Variants in CEACAM5 observed in about 807,000 individuals in gnomAD.
The protein encoded by CEACAM5 is CEA cell adhesion molecule 5.
CEACAM5 carries 52 observed loss-of-function variants against 63.0 expected under a neutral mutation model. The ratio of observed to expected loss-of-function variants is 0.83; its 90% CI spans 0.66 to 1.04. CEACAM5 has a LOEUF of 1.04. CEACAM5 is among the 50% of genes least tolerant of loss of function. The pLI, the probability that CEACAM5 is intolerant of heterozygous loss-of-function variation, is 0.00. For synonymous variants in CEACAM5, 357 were observed against 351.3 expected (o/e 1.02, Z -0.18); for missense variants, 790 against 864.8 (o/e 0.91, Z 1.08).
intron 2 of CEACAM5, 28 bp from the exon 3 acceptor site, chr19:41,714,943 G>C (rs781875766): frequency 1.2e-6 from 2 of 1,613,812 alleles, no homozygotes; most frequent in Non-Finnish European, 1.7e-6. Flanking sequence ...TGCCACACAG[G>C]GCAATCTTCT....
intron 8 of CEACAM5, among the ~76,000 whole-genome samples, chr19:41,725,306 T>A (rs1225026374): frequency 6.6e-6 from 1 of 152,128 alleles, no homozygotes; most frequent in Admixed American, 6.5e-5. Context: ...ATTCTTGTAG[T>A]CCTTAATATT....
intron 6 of CEACAM5, among the ~76,000 whole-genome samples, chr19:41,719,582 G>A (rs1303933583): frequency 5.3e-5 from 8 of 152,174 alleles, no homozygotes; most frequent in South Asian, 2.1e-4. Context: ...GCAGCTGAAC[G>A]GAATTCAGCA....
At chr19:41,717,841 C>G in intron 5 of CEACAM5, 108 bp downstream of exon 5, 1 of 1,401,054 alleles carries the variant, frequency 7.1e-7, no homozygotes, top group Non-Finnish European at 9.9e-7. Context: ...ACTTTTACCC[C>G]TGGACATCCA....
intron 6 of CEACAM5, 130 bp from the exon 7 acceptor site, chr19:41,719,800 C>G (rs2072588007): frequency 6.6e-7 from 1 of 1,506,154 alleles, no homozygotes; most frequent in Non-Finnish European, 8.9e-7. Flanking sequence ...TCTTGTGATA[C>G]ACACACCTGC....
rs55647539 is a variant in CEACAM5, at chr19:41,728,786, C to CAAAAAAAAAAAAAA, written c.*37-392_*37-379dup. Among the ~76,000 whole-genome samples, 42 of 73,256 alleles carry CAAAAAAAAAAAAAA rather than the reference C, an allele frequency of 5.7e-4. 2 individuals carry two copies. The highest frequency in any genetic ancestry group is 1.8e-3 in the African/African-American group (31 of 17,508). The allele number at this position is 73,256 out of a possible 152,430, so 48.1% of individuals were successfully genotyped here. On this transcript the variant is annotated intron_variant, in intron 9 of 9. Transcript: ENST00000221992. ...TGGGCGACAGAGCAAGACTCCGTCTCAAAAAAAAAAAAAAAAAAAGAATTG... is the reference window on the plus strand; with the variant it reads ...TGGGCGACAGAGCAAGACTCCGTCTCAAAAAAAAAAAAAAAAAAAAAAAAAAAAAAAAAGAATTG...
At chr19:41,717,958 G>C (rs149451705) in intron 5 of CEACAM5, among the ~76,000 whole-genome samples, 170 bp from the exon 6 acceptor site, 2 of 152,198 alleles carry the variant, frequency 1.3e-5, no homozygotes, top group South Asian at 4.1e-4. Flanking sequence ...GCTAGTGATG[G>C]GAGAAACAGA....
intron 3 of CEACAM5, 174 bp from the exon 4 acceptor site, chr19:41,715,476 T>C: frequency 8.9e-7 from 1 of 1,121,738 alleles, no homozygotes; most frequent in Non-Finnish European, 1.3e-6. Context: ...CCACACCCTA[T>C]GATGGGAGAA....
At chr19:41,711,999 T>C (rs1225082238) in intron 2 of CEACAM5, among the ~76,000 whole-genome samples, 6 of 152,216 alleles carry the variant, frequency 3.9e-5, no homozygotes, top group South Asian at 4.1e-4. Flanking sequence ...GCTTCCGCTG[T>C]GTTCCTGCCC....
chr19:41,715,094 A>G lies in CEACAM5; in HGVS notation c.548A>G (p.Gln183Arg). ...DATYLWWVNN[Q>R]SLPVSPRLQL... ...ACCTACCTGTGGTGGGTAAACAATC[A>G]GAGCCTCCCGGTCAGTCCCAGGCTG... Residue 183 changes from glutamine (Q) to arginine (R), a missense_variant, in exon 3 of 10, where the codon CAG (glutamine) becomes CGG (arginine). Gln to Arg is a conservative substitution (Grantham distance 43). Coordinates refer to ENST00000221992, the MANE Select transcript of CEACAM5 (RefSeq NM_004363.6). 3.7e-6 allele frequency: 6 copies of G among 1,614,200 alleles called. No individual in the cohort carries two copies. Among genetic ancestry groups the G allele is most frequent in the Non-Finnish European group, 5.1e-6 (6 of 1,180,038 alleles).
chr19:41,718,363 C>T lies in CEACAM5; in HGVS notation c.1473C>T (p.Val491=). ...CCAGTGGCCACAGCAGGACTACAGT[C>T]AAGACAATCACAGTCTCTGGTAAGT... is the stretch of plus-strand genomic sequence containing the variant. The part of the protein sequence containing the change: ...NSASGHSRTT[V]KTITVSAELP... Residue 491 remains valine (V), a synonymous_variant, in exon 6 of 10, where the codon GTC becomes GTT. Coordinates refer to ENST00000221992, the MANE Select transcript of CEACAM5 (RefSeq NM_004363.6). 2.5e-6 allele frequency: 4 copies of T among 1,614,178 alleles called. No homozygotes were observed. The highest frequency in any genetic ancestry group is 2.2e-5 in the East Asian group (1 of 44,886).
intron 9 of CEACAM5, among the ~76,000 whole-genome samples, chr19:41,728,357 T>A (rs1170808132): frequency 6.6e-6 from 1 of 152,198 alleles, no homozygotes; most frequent in Admixed American, 6.5e-5. Context: ...GATTTACTGG[T>A]CTGGAGTGGG....
At chr19:41,711,022 C>A (rs1188331819) in intron 2 of CEACAM5, among the ~76,000 whole-genome samples, 1 of 152,318 alleles carries the variant, frequency 6.6e-6, no homozygotes, top group African/African-American at 2.4e-5. Flanking sequence ...CTGTCTGTAG[C>A]CACAGCCCCC....
In CEACAM5 at chr19:41,709,738, G is replaced by C. The variant is rs371172248; in HGVS notation, c.123G>C (p.Thr41=). 9.9e-6 allele frequency: 16 copies of C among 1,613,914 alleles called. No individual in the cohort carries two copies. The Admixed American group carries it at 2.3e-4, about 24-fold the overall frequency. The change falls in exon 2 of 10, where the codon ACG becomes ACC. Residue 41 remains threonine, a synonymous_variant. Transcript: ENST00000221992. ...CTGCCAAGCTCACTATTGAATCCAC[G>C]CCGTTCAATGTCGCAGAGGGGAAGG... The part of the protein sequence containing the change: ...PTTAKLTIES[T]PFNVAEGKEV...
At position 41,715,422 on chromosome 19, in the gene CEACAM5, G is replaced by A. The variant is rs782650332; in HGVS notation, c.703+173G>A. The A allele has an allele frequency of 3.4e-6, 4 of 1,174,958 alleles. No individual in the cohort carries two copies. In the South Asian group the frequency reaches 5.1e-5, roughly 15 times the overall value. The allele number at this position is 1,174,958 out of a possible 1,614,324, so 72.8% of individuals were successfully genotyped here. A position where few individuals can be genotyped will look rare whatever the true frequency, so the allele number is the denominator to read the frequency against. On this transcript the variant is annotated intron_variant, in intron 3 of 9. Coordinates refer to ENST00000221992, the MANE Select transcript of CEACAM5 (RefSeq NM_004363.6). Reference sequence around the variant, plus strand: ...CCTGGGCAGACCAAGTCTTGACCAAGAATAGGAGGGGAGGGGCTGCTTCTG... The same window carrying A: ...CCTGGGCAGACCAAGTCTTGACCAAAAATAGGAGGGGAGGGGCTGCTTCTG...
Position 41,720,915 on chromosome 19 carries a change from G to A in CEACAM5, c.1772-7G>A. 3 of 1,613,730 alleles carry A rather than the reference G, an allele frequency of 1.9e-6. No individual in the cohort carries two copies. Among genetic ancestry groups the A allele is most frequent in the Non-Finnish European group, 2.5e-6 (3 of 1,179,862 alleles). On this transcript the variant is annotated splice_region_variant and splice_polypyrimidine_tract_variant and intron_variant, in intron 7 of 9. Coordinates refer to ENST00000221992, the MANE Select transcript of CEACAM5 (RefSeq NM_004363.6). Reference sequence around the variant, plus strand: ...CATCACCTGTGGCTTTGTTCTCTTTGTTCCAGATGGGCCGGACACCCCCAT... The same window carrying A: ...CATCACCTGTGGCTTTGTTCTCTTTATTCCAGATGGGCCGGACACCCCCAT...
intron 8 of CEACAM5, among the ~76,000 whole-genome samples, chr19:41,723,889 C>A (rs1444129144): frequency 1.4e-5 from 2 of 148,042 alleles, no homozygotes; most frequent in Non-Finnish European, 3.0e-5. Flanking sequence ...GCATAGCTTG[C>A]AGTGAGCTGA....
chr19:41,718,450 C>G, intron 6 of CEACAM5, 68 bp downstream of exon 6: 1 of 1,560,102 alleles, frequency 6.4e-7, no homozygotes, highest in Non-Finnish European at 8.7e-7. Context: ...CAGAAAAGAG[C>G]CAGGAAGAAA....
chr19:41,715,653 G>A lies in CEACAM5; in HGVS notation c.707G>A (p.Gly236Asp). Residue 236 changes from glycine to aspartate, a missense_variant, in exon 4 of 10, where the codon GGC (glycine) becomes GAC (aspartate). Transcript: ENST00000221992. ...GGCTTTATTTTGTTTGCTCCAGATG[G>A]CCCGGATGCCCCCACCATTTCCCCT... Reference protein sequence around the residue: ...SDSVILNVLYGPDAPTISPLN... With the variant: ...SDSVILNVLYDPDAPTISPLN... 1 of 1,614,094 alleles carries A rather than the reference G, an allele frequency of 6.2e-7. No homozygotes were observed. The highest frequency in any genetic ancestry group is 8.5e-7 in the Non-Finnish European group (1 of 1,180,018).
At chr19:41,728,329 G>A (rs2072726662) in intron 9 of CEACAM5, among the ~76,000 whole-genome samples, 1 of 152,178 alleles carries the variant, frequency 6.6e-6, no homozygotes, top group Admixed American at 6.5e-5. Context: ...GGATACTTAA[G>A]TCCCACCGAT....
Sources: allele counts gnomAD v4.1 joint callset (sites outside exome capture counted in the v4.1 genomes callset), GRCh38; gene constraint gnomAD v4.1.1; transcripts MANE v1.5; gene names NCBI Gene and HGNC (gene_info 2026-07-23, HGNC 2026-07-21).